LRRC4C: variants seen among roughly 807,000 people sequenced by gnomAD.
LRRC4C encodes the protein leucine rich repeat containing 4C.
LRRC4C carries 5 observed loss-of-function variants against 33.6 expected under a neutral mutation model. The observed-to-expected ratio is 0.15, with a 90% confidence interval of 0.08 to 0.31. The LOEUF (loss-of-function observed/expected upper bound fraction) is 0.31, where lower values mean the gene tolerates loss of function less well. Among genes scored for constraint, LRRC4C ranks in the 10% least tolerant of loss-of-function variants. LRRC4C has a pLI of 1.00. For missense variants in LRRC4C, 560 were observed against 796.7 expected, an observed-to-expected ratio of 0.70 and a Z score of 3.58; for synonymous variants, 329 against 302.0, an observed-to-expected ratio of 1.09 and a Z score of -0.93.
chr11:41,150,639 A>G (rs1057011336), intron 1 of LRRC4C, among the ~76,000 whole-genome samples: 2 of 151,936 alleles, frequency 1.3e-5, no homozygotes, highest in Non-Finnish European at 2.9e-5. Flanking sequence ...AAAATACAAA[A>G]ATTAGCCAGG....
intron 2 of LRRC4C, among the ~76,000 whole-genome samples, chr11:40,692,802 G>A (rs1264878332): frequency 1.3e-5 from 2 of 152,144 alleles, no homozygotes; most frequent in African/African-American, 2.4e-5. Flanking sequence ...TATGTATAGG[G>A]TGATGTGAAT....
At chr11:40,760,296 CATTTCTGT>C (rs1049960697) in intron 2 of LRRC4C, among the ~76,000 whole-genome samples, 1 of 151,906 alleles carries the variant, frequency 6.6e-6, no homozygotes, top group Admixed American at 6.6e-5. Flanking sequence ...CACACTCATT[CATTTCTGT>C]ATTGTCTATC....
At chr11:40,645,725 G>C (rs1374866813) in intron 3 of LRRC4C, among the ~76,000 whole-genome samples, 2 of 152,098 alleles carry the variant, frequency 1.3e-5, no homozygotes, top group African/African-American at 2.4e-5. Context: ...CTGTAACACT[G>C]GCTGAGTACC....
chr11:41,369,366 T>TG (rs1464296402), intron 1 of LRRC4C, among the ~76,000 whole-genome samples: 1 of 151,740 alleles, frequency 6.6e-6, no homozygotes, highest in Non-Finnish European at 1.5e-5. Context: ...TGACACACAC[T>TG]GGGGCCTCTA....
rs115574831 is a variant in LRRC4C, at chr11:41,134,250, C to G, written c.-495-200527G>C. On this transcript the variant is annotated intron_variant, in intron 1 of 6. Coordinates refer to ENST00000528697, the MANE Select transcript of LRRC4C (RefSeq NM_001258419.2). ...TAGCTGGGACTACAGGAGCACACTACTACAACCAGATAATGTATTTATTTC... is the reference window on the plus strand; with the variant it reads ...TAGCTGGGACTACAGGAGCACACTAGTACAACCAGATAATGTATTTATTTC... Among the ~76,000 whole-genome samples, 944 of 152,174 alleles carry G rather than the reference C, an allele frequency of 6.2e-3. 17 individuals are homozygous for G. Among genetic ancestry groups the G allele is most frequent in the African/African-American group, 0.021 (890 of 41,484 alleles).
intron 3 of LRRC4C, among the ~76,000 whole-genome samples, chr11:40,529,487 A>G (rs994868948): frequency 6.6e-6 from 1 of 152,098 alleles, no homozygotes; most frequent in African/African-American, 2.4e-5. Context: ...TAGGAGACAG[A>G]TGGATCATAG....
At chr11:41,030,103 A>G (rs2137804904) in intron 1 of LRRC4C, among the ~76,000 whole-genome samples, 1 of 151,984 alleles carries the variant, frequency 6.6e-6, no homozygotes, top group South Asian at 2.1e-4. Context: ...TCTCTTTTTA[A>G]ATTGCCATCT....
intron 4 of LRRC4C, among the ~76,000 whole-genome samples, chr11:40,306,230 TATCTTTAAAA>T (rs1945022949): frequency 6.6e-6 from 1 of 152,246 alleles, no homozygotes; most frequent in Admixed American, 6.5e-5. Context: ...TTAGTTATTG[TATCTTTAAAA>T]AGGTTAGCCT....
intron 3 of LRRC4C, among the ~76,000 whole-genome samples, chr11:40,398,896 C>T (rs539609899): frequency 1.3e-5 from 2 of 152,198 alleles, no homozygotes; most frequent in African/African-American, 2.4e-5. Context: ...ATTTCATTGA[C>T]GTACCTAATT....
intron 1 of LRRC4C, among the ~76,000 whole-genome samples, chr11:41,153,168 C>A (rs1347680552): frequency 6.6e-6 from 1 of 152,104 alleles, no homozygotes; most frequent in Non-Finnish European, 1.5e-5. Flanking sequence ...GAAGTCTCTA[C>A]TCCCTTAAAG....
chr11:41,071,098 G>T (rs1590428506), intron 1 of LRRC4C, among the ~76,000 whole-genome samples: 1 of 152,244 alleles, frequency 6.6e-6, no homozygotes, highest in East Asian at 1.9e-4. Context: ...CATGTCCTTT[G>T]CAGGGACTTG....
intron 1 of LRRC4C, among the ~76,000 whole-genome samples, chr11:40,994,668 T>C (rs1267763208): frequency 6.6e-6 from 1 of 152,126 alleles, no homozygotes; most frequent in Non-Finnish European, 1.5e-5. Flanking sequence ...TTACATATTA[T>C]GGCAACTAAA....
chr11:40,944,970 T>C (rs545953716), intron 1 of LRRC4C, among the ~76,000 whole-genome samples: 1 of 152,074 alleles, frequency 6.6e-6, no homozygotes, highest in African/African-American at 2.4e-5. Flanking sequence ...CTCCTCATTT[T>C]TCCTACTGTA....
At chr11:40,300,059 C>G (rs1488991653) in intron 4 of LRRC4C, among the ~76,000 whole-genome samples, 1 of 152,088 alleles carries the variant, frequency 6.6e-6, no homozygotes, top group Non-Finnish European at 1.5e-5. Context: ...GGAGCTTCTA[C>G]TCATGGTGGA....
rs77312953 is a variant in LRRC4C, at chr11:40,295,628, C to T, written c.-176+24000G>A. ...TTAAAAAAATTTCATCTGTAATGTTCTTTGCATACTGAGAGCATGCTGTAA... is the reference window on the plus strand; with the variant it reads ...TTAAAAAAATTTCATCTGTAATGTTTTTTGCATACTGAGAGCATGCTGTAA... On this transcript the variant is annotated intron_variant, in intron 4 of 6. Transcript: ENST00000528697. Among the ~76,000 whole-genome samples, 434 of 152,218 alleles carry T rather than the reference C, an allele frequency of 2.9e-3. 3 individuals carry two copies. The highest frequency in any genetic ancestry group is 9.9e-3 in the African/African-American group (413 of 41,550).
chr11:40,460,880 A>G (rs1952360793), intron 3 of LRRC4C, among the ~76,000 whole-genome samples: 1 of 152,136 alleles, frequency 6.6e-6, no homozygotes, highest in Admixed American at 6.5e-5. Flanking sequence ...AACAATCATA[A>G]TGAGATACTG....
intron 1 of LRRC4C, among the ~76,000 whole-genome samples, chr11:41,275,388 G>A (rs971865630): frequency 2.1e-4 from 32 of 152,094 alleles, no homozygotes; most frequent in African/African-American, 7.7e-4. Context: ...GGAACTTTTT[G>A]CAACTCTATT....
intron 1 of LRRC4C, among the ~76,000 whole-genome samples, chr11:41,059,434 A>G (rs1858902301): frequency 1.3e-5 from 2 of 152,052 alleles, no homozygotes; most frequent in Admixed American, 1.3e-4. Flanking sequence ...GATAGATCAA[A>G]ATTTTAGAAA....
chr11:40,520,064 C>G (rs187514585), intron 3 of LRRC4C, among the ~76,000 whole-genome samples: 1 of 152,164 alleles, frequency 6.6e-6, no homozygotes. Flanking sequence ...GCAACTAAGT[C>G]GAAGCCAATG....
Sources: allele counts gnomAD v4.1 joint callset (sites outside exome capture counted in the v4.1 genomes callset), GRCh38; gene constraint gnomAD v4.1.1; transcripts MANE v1.5; gene names NCBI Gene and HGNC (gene_info 2026-07-23, HGNC 2026-07-21).